Variants in PMM2 observed in about 807,000 individuals in gnomAD.
The protein encoded by PMM2 is phosphomannomutase 2.
PMM2 carries 35 observed loss-of-function variants against 33.2 expected under a neutral mutation model. The observed-to-expected ratio is 1.06, with a 90% confidence interval of 0.81 to 1.40. The LOEUF (loss-of-function observed/expected upper bound fraction) is 1.40, where lower values mean the gene tolerates loss of function less well. Among genes scored for constraint, PMM2 ranks in the 40% most tolerant of loss-of-function variants. The pLI, the probability that PMM2 is intolerant of heterozygous loss-of-function variation, is 0.00. For synonymous variants in PMM2, 153 were observed against 114.7 expected, an observed-to-expected ratio of 1.33 and a Z score of -2.13; for missense variants, 386 against 306.0, an observed-to-expected ratio of 1.26 and a Z score of -1.95.
At chr16:8,800,665 CTTT>C (rs35148703) in intron 1 of PMM2, among the ~76,000 whole-genome samples, 8 of 126,666 alleles carry the variant, frequency 6.3e-5, no homozygotes, top group East Asian at 4.6e-4. Flanking sequence ...TAAGCTTCTC[CTTT>C]TTTTTTTTTT....
At chr16:8,836,962 C>A (rs1364928393) in intron 7 of PMM2, among the ~76,000 whole-genome samples, 4 of 151,996 alleles carry the variant, frequency 2.6e-5, no homozygotes, top group African/African-American at 9.7e-5. Context: ...ACAGAATGAA[C>A]TGTAAGCTGG....
In PMM2 at chr16:8,848,144, G is replaced by A; in HGVS notation, c.*319G>A. ...TGGCGGAAATTTCCCCATCATTCTA[G>A]GATGATACAGAAAGAAAAACTGTGC... is the stretch of plus-strand genomic sequence containing the variant. On this transcript the variant is annotated 3_prime_UTR_variant, in exon 8 of 8. Coordinates refer to ENST00000268261, the MANE Select transcript of PMM2 (RefSeq NM_000303.3). 3 of 336,320 alleles carry A rather than the reference G, an allele frequency of 8.9e-6. No homozygotes were observed. Among genetic ancestry groups the A allele is most frequent in the South Asian group, 5.7e-5 (2 of 35,330 alleles). The allele number at this position is 336,320 out of a possible 1,614,324, so 20.8% of individuals were successfully genotyped here. A position where few individuals can be genotyped will look rare whatever the true frequency, so the allele number is the denominator to read the frequency against.
At chr16:8,831,987 C>A in intron 7 of PMM2, 1 of 261,122 alleles carries the variant, frequency 3.8e-6, no homozygotes, top group Non-Finnish European at 6.0e-6. Flanking sequence ...CTGAGTTCCC[C>A]AACTAGAATC....
At chr16:8,806,534 AT>A in intron 4 of PMM2, 127 bp downstream of exon 4, 1 of 727,002 alleles carries the variant, frequency 1.4e-6, no homozygotes, top group Non-Finnish European at 2.5e-6. Flanking sequence ...AAAGTCTGAT[AT>A]TTAGCCCGCC....
intron 6 of PMM2, among the ~76,000 whole-genome samples, chr16:8,812,391 C>A: frequency 6.6e-6 from 1 of 152,212 alleles, no homozygotes; most frequent in East Asian, 1.9e-4. Flanking sequence ...AAAGCCTCCT[C>A]ATTTTACTAG....
chr16:8,797,903 G>C lies in PMM2; in HGVS notation c.21G>C (p.Ala7=), dbSNP rs1333237246. The C allele has an allele frequency of 2.5e-6, 4 of 1,611,476 alleles. No individual in the cohort carries two copies. Among genetic ancestry groups the C allele is most frequent in the Non-Finnish European group, 3.4e-6 (4 of 1,179,248 alleles). The change falls in exon 1 of 8, where the codon GCG becomes GCC. Residue 7 remains alanine (A), a synonymous_variant. Coordinates refer to ENST00000268261, the MANE Select transcript of PMM2 (RefSeq NM_000303.3). ...GGGACATGGCAGCGCCTGGCCCAGC[G>C]CTCTGCCTCTTCGACGTGGATGGGA... MAAPGP[A]LCLFDVDGTL... is the part of the protein sequence containing the mutation.
At chr16:8,800,380 C>T (rs961408834) in intron 1 of PMM2, among the ~76,000 whole-genome samples, 3 of 147,380 alleles carry the variant, frequency 2.0e-5, no homozygotes, top group African/African-American at 7.4e-5. Context: ...AAAAAAAAGA[C>T]ATTCAGTGTA....
At chr16:8,827,906 T>A (rs1455085848) in intron 7 of PMM2, among the ~76,000 whole-genome samples, 3 of 114,444 alleles carry the variant, frequency 2.6e-5, no homozygotes, top group East Asian at 2.2e-4. Flanking sequence ...ATGATATATA[T>A]TATATATATT....
At chr16:8,799,459 A>G (rs772806093) in intron 1 of PMM2, among the ~76,000 whole-genome samples, 4 of 151,958 alleles carry the variant, frequency 2.6e-5, no homozygotes, top group Admixed American at 1.3e-4. Context: ...CAAGTTTGCC[A>G]TTTCCTATCT....
chr16:8,847,821 C>G lies in PMM2; in HGVS notation c.737C>G (p.Ser246Cys), dbSNP rs769177253. The stretch of plus-strand genomic sequence containing the variant: ...CGCAGGATCTGTGAACTGCTGTTCT[C>G]CTAACGTGGGAGCGGGAGGGGCGGG... Reference protein sequence around the residue: ...DTRRICELLFS With the variant: ...DTRRICELLFC Residue 246 changes from serine to cysteine, a missense_variant, in exon 8 of 8, where the codon TCC becomes TGC. Coordinates refer to ENST00000268261, the MANE Select transcript of PMM2 (RefSeq NM_000303.3). 3 of 1,611,744 alleles carry G rather than the reference C, an allele frequency of 1.9e-6. No individual in the cohort carries two copies. The highest frequency in any genetic ancestry group is 2.5e-6 in the Non-Finnish European group (3 of 1,178,252).
intron 7 of PMM2, among the ~76,000 whole-genome samples, chr16:8,830,686 G>A (rs1479479969): frequency 6.6e-6 from 1 of 152,232 alleles, no homozygotes; most frequent in Non-Finnish European, 1.5e-5. Flanking sequence ...ATTCTCAGGA[G>A]CAATGTGGGG....
chr16:8,809,456 T>C (rs1349972777), intron 4 of PMM2: 2 of 152,104 alleles, frequency 1.3e-5, no homozygotes, highest in African/African-American at 4.8e-5. Flanking sequence ...TTTTTGTTTG[T>C]TTGCTTGTTT....
At chr16:8,827,718 G>GTATATATA (rs1567164534) in intron 7 of PMM2, among the ~76,000 whole-genome samples, 5 of 42,824 alleles carry the variant, frequency 1.2e-4, no homozygotes, top group African/African-American at 4.4e-4. Flanking sequence ...TTAAATGTGT[G>GTATATATA]CATATATATA....
intron 7 of PMM2, among the ~76,000 whole-genome samples, chr16:8,818,879 G>C (rs926556464): frequency 2.0e-5 from 3 of 149,632 alleles, no homozygotes; most frequent in Admixed American, 1.3e-4. Context: ...CAGAGAGAGA[G>C]AGACGGCAAG....
At chr16:8,839,921 G>C (rs966058849) in intron 7 of PMM2, among the ~76,000 whole-genome samples, 2 of 145,784 alleles carry the variant, frequency 1.4e-5, no homozygotes, top group Non-Finnish European at 3.0e-5. Context: ...AAGGAGGGCG[G>C]CAGCTTGCTG....
At chr16:8,830,279 A>G (rs2060802173) in intron 7 of PMM2, among the ~76,000 whole-genome samples, 1 of 152,150 alleles carries the variant, frequency 6.6e-6, no homozygotes. Flanking sequence ...ATGAGCCCCC[A>G]AATTTGTAAC....
intron 4 of PMM2, 32 bp from the exon 5 acceptor site, chr16:8,811,047 T>C (rs1187155509): frequency 3.0e-6 from 4 of 1,317,184 alleles, no homozygotes; most frequent in Non-Finnish European, 4.3e-6. Context: ...TAACGTGTTT[T>C]TGGAGAAACT....
intron 7 of PMM2, among the ~76,000 whole-genome samples, chr16:8,828,369 G>A (rs2060790724): frequency 6.6e-6 from 1 of 152,026 alleles, no homozygotes; most frequent in Non-Finnish European, 1.5e-5. Context: ...ACAAACCAGA[G>A]AGCACCCATT....
chr16:8,844,557 C>G (rs976615599), intron 7 of PMM2, among the ~76,000 whole-genome samples: 2 of 152,238 alleles, frequency 1.3e-5, no homozygotes, highest in African/African-American at 2.4e-5. Flanking sequence ...GGGTCCTTGC[C>G]CCTTCCTCAG....
Sources: gnomAD v4.1 joint callset for allele counts (sites outside exome capture counted in the v4.1 genomes callset) on GRCh38, gnomAD v4.1.1 for gene constraint, MANE v1.5 for transcripts, NCBI Gene and HGNC (gene_info 2026-07-23, HGNC 2026-07-21) for gene names.